The following ASTN2 variants were observed in gnomAD, a reference collection of about 807,000 sequenced individuals.
ASTN2 encodes astrotactin 2, also known as astrotactin-2.
ASTN2 carries 54 observed loss-of-function variants against 139.8 expected under a neutral mutation model. The ratio of observed to expected loss-of-function variants is 0.39; its 90% CI spans 0.31 to 0.48. The LOEUF (loss-of-function observed/expected upper bound fraction) is 0.48. Ranked by LOEUF, ASTN2 falls within the 20% of genes least tolerant of loss-of-function variation. ASTN2 has a pLI of 0.95. For missense variants in ASTN2, 1,565 were observed against 1,725.1 expected (o/e 0.91, Z 1.64); for synonymous variants, 756 against 719.5 (o/e 1.05, Z -0.81).
At chr9:117,165,920 A>T (rs185471956) in intron 3 of ASTN2, among the ~76,000 whole-genome samples, 1 of 152,258 alleles carries the variant, frequency 6.6e-6, no homozygotes, top group African/African-American at 2.4e-5. Flanking sequence ...CAAATACATT[A>T]AAAAGCCGTT....
rs558260477 is a variant in ASTN2 at position 116,503,209 on chromosome 9, C to T, written c.3356-15709G>A. On this transcript the variant is annotated intron_variant, in intron 19 of 22. Transcript: ENST00000313400. ...GGGAGGAAGGAAGGAAGGAAGGGCA[C>T]GGCAGGACCAGCTAGAAGGGCATCT... 7.2e-5 allele frequency among the ~76,000 whole-genome samples: 11 copies of T among 151,886 alleles called. No homozygotes were observed. In the East Asian group the frequency reaches 1.6e-3, roughly 22 times the overall value.
intron 19 of ASTN2, among the ~76,000 whole-genome samples, chr9:116,597,294 G>GA (rs1854626618): frequency 1.4e-5 from 1 of 71,968 alleles, no homozygotes; most frequent in East Asian, 7.3e-4. Context: ...CATGACTTTT[G>GA]ATCTATTTTT....
At chr9:117,279,860 A>G (rs1834283740) in intron 2 of ASTN2, among the ~76,000 whole-genome samples, 1 of 152,218 alleles carries the variant, frequency 6.6e-6, no homozygotes, top group South Asian at 2.1e-4. Flanking sequence ...GGCTTGGGCT[A>G]CATAATGCTC....
chr9:116,801,144 T>C (rs1011596919), intron 13 of ASTN2, among the ~76,000 whole-genome samples: 3 of 152,042 alleles, frequency 2.0e-5, no homozygotes, highest in African/African-American at 7.3e-5. Flanking sequence ...AGAGATTACT[T>C]AGAGGAGGGA....
At chr9:116,908,142 C>T (rs1454516976) in intron 10 of ASTN2, among the ~76,000 whole-genome samples, 1 of 152,096 alleles carries the variant, frequency 6.6e-6, no homozygotes, top group Non-Finnish European at 1.5e-5. Context: ...GGTTGTGGTC[C>T]AAATTCTTCC....
intron 1 of ASTN2, among the ~76,000 whole-genome samples, chr9:117,352,426 C>T (rs1442879063): frequency 1.3e-5 from 2 of 152,172 alleles, no homozygotes; most frequent in Admixed American, 1.3e-4. Flanking sequence ...AGAGGTCAAA[C>T]AAAATATTCT....
At chr9:117,307,259 C>T (rs1294782345) in intron 1 of ASTN2, among the ~76,000 whole-genome samples, 3 of 152,222 alleles carry the variant, frequency 2.0e-5, no homozygotes, top group Admixed American at 6.5e-5. Context: ...TATATGTTCA[C>T]ATATGGCTGT....
intron 6 of ASTN2, among the ~76,000 whole-genome samples, chr9:117,032,993 T>G (rs758182589): frequency 2.0e-4 from 31 of 152,274 alleles, no homozygotes; most frequent in Non-Finnish European, 3.1e-4. Context: ...AACAATCATA[T>G]CAATATATAA....
At chr9:116,760,150 T>A (rs1026621535) in intron 13 of ASTN2, among the ~76,000 whole-genome samples, 1 of 152,196 alleles carries the variant, frequency 6.6e-6, no homozygotes, top group Admixed American at 6.5e-5. Context: ...AGATCTTTCA[T>A]CCTCTCCAGG....
At chr9:117,248,759 C>G (rs996232468) in intron 2 of ASTN2, among the ~76,000 whole-genome samples, 1 of 152,138 alleles carries the variant, frequency 6.6e-6, no homozygotes, top group Non-Finnish European at 1.5e-5. Flanking sequence ...CCCCAAACAC[C>G]CCATCTGGAA....
At chr9:116,750,682 T>C (rs909014379) in intron 13 of ASTN2, among the ~76,000 whole-genome samples, 2 of 152,310 alleles carry the variant, frequency 1.3e-5, no homozygotes, top group African/African-American at 4.8e-5. Flanking sequence ...TGAGGAGCCC[T>C]GACCATCTTG....
In ASTN2 at chr9:116,835,719, G is replaced by A. The variant is rs113980536; in HGVS notation, c.2041-14936C>T. Reference sequence around the variant, plus strand: ...TTCTGAGGGCTGTGTCACAGGCCGTGGTCACTCATATTTGGCTCAGAATAA... The same window carrying A: ...TTCTGAGGGCTGTGTCACAGGCCGTAGTCACTCATATTTGGCTCAGAATAA... On this transcript the variant is annotated intron_variant, in intron 11 of 22. Coordinates refer to ENST00000313400, the MANE Select transcript of ASTN2 (RefSeq NM_001365068.1). 7.1e-3 allele frequency among the ~76,000 whole-genome samples: 1,086 copies of A among 152,230 alleles called. 10 individuals carry two copies. Among genetic ancestry groups the A allele is most frequent in the African/African-American group, 0.024 (1,008 of 41,520 alleles).
chr9:116,996,893 AT>A (rs1227210990), intron 7 of ASTN2, among the ~76,000 whole-genome samples: 3 of 152,140 alleles, frequency 2.0e-5, no homozygotes, highest in Non-Finnish European at 4.4e-5. Context: ...AGACCAATAT[AT>A]TTTTTAACAC....
intron 19 of ASTN2, among the ~76,000 whole-genome samples, chr9:116,518,733 A>G (rs1331401269): frequency 6.6e-6 from 1 of 152,188 alleles, no homozygotes; most frequent in Non-Finnish European, 1.5e-5. Flanking sequence ...GGCAAAATGG[A>G]TAAGAATTCA....
At chr9:116,829,956 C>CA (rs1831758227) in intron 11 of ASTN2, among the ~76,000 whole-genome samples, 6 of 152,234 alleles carry the variant, frequency 3.9e-5, no homozygotes, top group Admixed American at 3.3e-4. Context: ...TGGACCTTGG[C>CA]CTTGGGAAAG....
chr9:117,309,666 G>T (rs770502869), intron 1 of ASTN2, among the ~76,000 whole-genome samples: 1 of 152,142 alleles, frequency 6.6e-6, no homozygotes, highest in Non-Finnish European at 1.5e-5. Context: ...CCAAGAGAGG[G>T]AAAGGGATTT....
chr9:116,570,614 G>T (rs112753091), intron 19 of ASTN2, among the ~76,000 whole-genome samples: 150 of 152,296 alleles, frequency 9.8e-4, no homozygotes, highest in African/African-American at 3.4e-3. Context: ...AGCCAGGATG[G>T]TCTTGATCTC....
At chr9:116,629,625 A>G (rs764093213) in intron 17 of ASTN2, among the ~76,000 whole-genome samples, 2 of 152,142 alleles carry the variant, frequency 1.3e-5, no homozygotes, top group Non-Finnish European at 2.9e-5. Context: ...GCAAGGACCC[A>G]ATTCCTATAT....
intron 20 of ASTN2, among the ~76,000 whole-genome samples, chr9:116,485,142 ACTT>A (rs1470056347): frequency 6.6e-6 from 1 of 152,210 alleles, no homozygotes; most frequent in Non-Finnish European, 1.5e-5. Flanking sequence ...AATAGCTAAC[ACTT>A]CTTAGGCTTC....
Sources: allele counts gnomAD v4.1 joint callset (sites outside exome capture counted in the v4.1 genomes callset), GRCh38; gene constraint gnomAD v4.1.1; transcripts MANE v1.5; gene names NCBI Gene and HGNC (gene_info 2026-07-23, HGNC 2026-07-21).